Variants in ENTREP2 observed in about 807,000 individuals in gnomAD.
ENTREP2 encodes the protein protein ENTREP2.
chr15:29,592,701 G>A, the ENTREP2 span, among the ~76,000 whole-genome samples: 1 of 152,108 alleles, frequency 6.6e-6, no homozygotes, highest in Non-Finnish European at 1.5e-5. Context: ...GTTGAAGCTG[G>A]GTTCTCACGG....
At chr15:29,400,830 T>G in the ENTREP2 span, among the ~76,000 whole-genome samples, 1 of 152,348 alleles carries the variant, frequency 6.6e-6, no homozygotes, top group African/African-American at 2.4e-5. Flanking sequence ...GAAGAACAAG[T>G]CTGTGCCTTT....
At chr15:29,204,257 C>T in the ENTREP2 span, among the ~76,000 whole-genome samples, 98 of 152,258 alleles carry the variant, frequency 6.4e-4, no homozygotes, top group African/African-American at 2.3e-3. Context: ...AGCCTGCCCC[C>T]CTTATTTATG....
the ENTREP2 span, among the ~76,000 whole-genome samples, chr15:29,418,201 A>C: frequency 6.6e-6 from 1 of 152,216 alleles, no homozygotes; most frequent in Non-Finnish European, 1.5e-5. Context: ...CCTTTTATCC[A>C]GCACCCCCTG....
At chr15:29,625,425 T>C in the ENTREP2 span, among the ~76,000 whole-genome samples, 5 of 152,336 alleles carry the variant, frequency 3.3e-5, no homozygotes, top group African/African-American at 1.2e-4. Flanking sequence ...AGATGAAGTC[T>C]GGCTCTGTCG....
the ENTREP2 span, among the ~76,000 whole-genome samples, chr15:29,402,292 T>TTTTG: frequency 7.6e-6 from 1 of 131,764 alleles, no homozygotes; most frequent in African/African-American, 2.7e-5. Context: ...GTATATTGTA[T>TTTTG]TGTGTGTGTG....
chr15:29,523,569 T>TC, the ENTREP2 span, among the ~76,000 whole-genome samples: 1 of 144,684 alleles, frequency 6.9e-6, no homozygotes, highest in Admixed American at 6.8e-5. Context: ...AGATTTTTTT[T>TC]TTTTTTTTTT....
the ENTREP2 span, among the ~76,000 whole-genome samples, chr15:29,582,491 T>C: frequency 6.6e-6 from 1 of 151,978 alleles, no homozygotes; most frequent in Non-Finnish European, 1.5e-5. Flanking sequence ...ATTAAAAAGA[T>C]AAAAAAGATT....
chr15:29,358,776 G>A, the ENTREP2 span, among the ~76,000 whole-genome samples: 3 of 151,656 alleles, frequency 2.0e-5, no homozygotes, highest in Non-Finnish European at 2.9e-5. Flanking sequence ...CAGAAGTGCC[G>A]AAGAAACGTG....
the ENTREP2 span, among the ~76,000 whole-genome samples, chr15:29,479,676 CACAT>C: frequency 1.7e-5 from 2 of 116,538 alleles, no homozygotes; most frequent in Non-Finnish European, 3.4e-5. Context: ...TACACACACA[CACAT>C]ACATACACAC....
chr15:29,637,607 T>G, the ENTREP2 span, among the ~76,000 whole-genome samples: 21,198 of 152,086 alleles, frequency 0.14, 2,794 homozygotes, highest in African/African-American at 0.35. Context: ...TCTCTGAAGT[T>G]GAACAAGATG....
the ENTREP2 span, among the ~76,000 whole-genome samples, chr15:29,516,714 T>C: frequency 6.6e-6 from 1 of 152,150 alleles, no homozygotes; most frequent in Non-Finnish European, 1.5e-5. Context: ...TAGCTCCATG[T>C]TATGAACACA....
the ENTREP2 span, among the ~76,000 whole-genome samples, chr15:29,431,257 C>T: frequency 7.9e-5 from 12 of 152,168 alleles, no homozygotes; most frequent in Non-Finnish European, 1.6e-4. Context: ...TTCCCTCCTG[C>T]GATGCCACGC....
chr15:29,401,456 T>C, the ENTREP2 span, among the ~76,000 whole-genome samples: 1 of 152,156 alleles, frequency 6.6e-6, no homozygotes, highest in Non-Finnish European at 1.5e-5. Flanking sequence ...AAGATAAGTA[T>C]TTTTTTCAAC....
chr15:29,567,388 G>A, the ENTREP2 span, among the ~76,000 whole-genome samples: 1 of 152,144 alleles, frequency 6.6e-6, no homozygotes, highest in Admixed American at 6.5e-5. Flanking sequence ...GAGCCTCCTT[G>A]CTAAAGTGGA....
chr15:29,207,171 T>C, the ENTREP2 span, among the ~76,000 whole-genome samples: 2 of 152,138 alleles, frequency 1.3e-5, no homozygotes, highest in African/African-American at 2.4e-5. Flanking sequence ...ATGCAGTCCC[T>C]GCCAGACCTG....
At chr15:29,622,916 C>T in the ENTREP2 span, among the ~76,000 whole-genome samples, 1 of 152,184 alleles carries the variant, frequency 6.6e-6, no homozygotes, top group East Asian at 1.9e-4. Flanking sequence ...TATGCAATGC[C>T]CCTGAACTCT....
chr15:29,230,798 A>T, the ENTREP2 span, among the ~76,000 whole-genome samples: 1 of 152,198 alleles, frequency 6.6e-6, no homozygotes. Flanking sequence ...GATTATTGAC[A>T]TAGAAACCAA....
the ENTREP2 span, among the ~76,000 whole-genome samples, chr15:29,133,372 TG>T: frequency 2.6e-5 from 4 of 152,150 alleles, no homozygotes; most frequent in East Asian, 7.7e-4. Flanking sequence ...TCAGGAGCCC[TG>T]GGGGTGGGCC....
the ENTREP2 span, among the ~76,000 whole-genome samples, chr15:29,457,775 C>A: frequency 6.6e-6 from 1 of 152,334 alleles, no homozygotes; most frequent in South Asian, 2.1e-4. Context: ...TCTGCTGCCC[C>A]TTGGGTTCCA....
Sources: allele counts gnomAD v4.1 joint callset (sites outside exome capture counted in the v4.1 genomes callset), GRCh38; gene constraint gnomAD v4.1.1; transcripts MANE v1.5; gene names NCBI Gene and HGNC (gene_info 2026-07-23, HGNC 2026-07-21).